The following PDE6A variants were observed in gnomAD, a reference collection of about 807,000 sequenced individuals.
The protein encoded by PDE6A is rod cGMP-specific 3',5'-cyclic phosphodiesterase subunit alpha.
PDE6A carries 84 observed loss-of-function variants against 106.3 expected under a neutral mutation model. The observed-to-expected ratio is 0.79, with a 90% confidence interval of 0.66 to 0.95. The LOEUF (loss-of-function observed/expected upper bound fraction) is 0.95, where lower values mean the gene tolerates loss of function less well. Ranked by LOEUF, PDE6A falls within the 40% of genes least tolerant of loss-of-function variation. PDE6A has a pLI of 0.00. For missense variants in PDE6A, 1,052 were observed against 1,084.9 expected, an observed-to-expected ratio of 0.97 and a Z score of 0.43; for synonymous variants, 394 against 386.6, an observed-to-expected ratio of 1.02 and a Z score of -0.23.
intron 8 of PDE6A, among the ~76,000 whole-genome samples, chr5:149,900,954 C>T (rs1055813625): frequency 6.6e-6 from 1 of 152,106 alleles, no homozygotes; most frequent in African/African-American, 2.4e-5. Flanking sequence ...TTTGCTCTGT[C>T]ACCCAGGCAG....
In PDE6A at chr5:149,860,830, A is replaced by G; in HGVS notation, c.*65T>C. 2.2e-6 allele frequency: 3 copies of G among 1,355,830 alleles called. No individual in the cohort carries two copies. The highest frequency in any genetic ancestry group is 3.2e-6 in the Non-Finnish European group (3 of 945,606). The allele number at this position is 1,355,830 out of a possible 1,614,324, so 84.0% of individuals were successfully genotyped here. On this transcript the variant is annotated 3_prime_UTR_variant, in exon 22 of 22. Coordinates refer to ENST00000255266, the MANE Select transcript of PDE6A (RefSeq NM_000440.3). ...TACTTCTCAAGGTGTGTGGTCTTCC[A>G]CTGGCTTGAGTCATCTCTTCCCAGG... is the stretch of plus-strand genomic sequence containing the variant.
chr5:149,884,296 A>ATGTGTATATATGTATATATG (rs1488732159), intron 16 of PDE6A, among the ~76,000 whole-genome samples, 183 bp downstream of exon 16: 271 of 137,376 alleles, frequency 2.0e-3, no homozygotes, highest in African/African-American at 6.8e-3. Flanking sequence ...ATGTGTATAT[A>ATGTGTATATATGTATATATG]TGTATATATG....
chr5:149,934,572 A>T lies in PDE6A; in HGVS notation c.621T>A (p.Asp207Glu), dbSNP rs1201381114. Residue 207 changes from aspartate to glutamate, a missense_variant, in exon 2 of 22, where the codon GAT (aspartate) becomes GAA (glutamate). Physicochemically the swap from Asp to Glu is conservative, Grantham distance 45 (BLOSUM62 2). Around this residue, in one of 3 missense-constraint regions of PDE6A, gnomAD observed 913 missense variants for 915.2 expected, o/e 1.00. Coordinates refer to ENST00000255266, the MANE Select transcript of PDE6A (RefSeq NM_000440.3). The part of the protein sequence containing the change: ...KVDGSHFTKR[D>E]EEILLKYLNF... Reference sequence around the variant, plus strand: ...GTCTCTAAAGCATTCTTACCTCTTCATCTCTCTTGGTGAAGTGGGATCCAT... The same window carrying T: ...GTCTCTAAAGCATTCTTACCTCTTCTTCTCTCTTGGTGAAGTGGGATCCAT... The T allele has an allele frequency of 2.5e-6, 4 of 1,613,974 alleles. No homozygotes were observed. The highest frequency in any genetic ancestry group is 3.4e-6 in the Non-Finnish European group (4 of 1,179,984).
At chr5:149,865,175 G>A (rs1361931964) in intron 20 of PDE6A, among the ~76,000 whole-genome samples, 1 of 151,330 alleles carries the variant, frequency 6.6e-6, no homozygotes, top group African/African-American at 2.4e-5. Context: ...GGGAGGTAGA[G>A]GTTGCAGTGA....
chr5:149,925,602 G>A (rs754759301), intron 4 of PDE6A, among the ~76,000 whole-genome samples: 1 of 151,142 alleles, frequency 6.6e-6, no homozygotes, highest in Non-Finnish European at 1.5e-5. Flanking sequence ...AGCTTCTCAG[G>A]AGGCTGAGGC....
intron 4 of PDE6A, among the ~76,000 whole-genome samples, chr5:149,923,687 AC>A (rs1250678402): frequency 6.6e-6 from 1 of 152,130 alleles, no homozygotes; most frequent in Non-Finnish European, 1.5e-5. Context: ...CCAACTGAGA[AC>A]CACACAGGTT....
rs376605128 is a variant in PDE6A at position 149,899,523 on chromosome 5, T to C, written c.1115A>G (p.Lys372Arg). The change falls in exon 9 of 22, where the codon AAA becomes AGA. Residue 372 changes from lysine (K) to arginine (R), a missense_variant and splice_region_variant. By Grantham distance (26) the Lys-to-Arg change is conservative (BLOSUM62 2). Coordinates refer to ENST00000255266, the MANE Select transcript of PDE6A (RefSeq NM_000440.3). ...CCATCCAGACTCATCCAGAGGTTCT[T>C]TCTACAAGAGAAGGGCTAGATTAGG... ...APAEDFFAFQ[K>R]EPLDESGWMI... The C allele has an allele frequency of 2.5e-5, 40 of 1,614,030 alleles. 2 individuals are homozygous for C. The South Asian group carries it at 4.4e-4, about 18-fold the overall frequency.
At chr5:149,939,347 C>G (rs1319918035) in intron 1 of PDE6A, among the ~76,000 whole-genome samples, 2 of 152,140 alleles carry the variant, frequency 1.3e-5, no homozygotes, top group Admixed American at 6.5e-5. Context: ...AGAAAAACAC[C>G]CTGAATCCTC....
chr5:149,862,323 G>A (rs1760174495), intron 21 of PDE6A, among the ~76,000 whole-genome samples: 1 of 152,180 alleles, frequency 6.6e-6, no homozygotes, highest in Non-Finnish European at 1.5e-5. Context: ...TTGAGTTCTA[G>A]GAAGACCTTT....
chr5:149,861,591 A>C (rs1760144103), intron 21 of PDE6A, among the ~76,000 whole-genome samples: 1 of 152,222 alleles, frequency 6.6e-6, no homozygotes, highest in Non-Finnish European at 1.5e-5. Flanking sequence ...TTGAGGCTGC[A>C]GTGAGCTATG....
intron 21 of PDE6A, among the ~76,000 whole-genome samples, chr5:149,862,002 C>CT (rs1182214445): frequency 2.0e-5 from 3 of 152,176 alleles, no homozygotes; most frequent in South Asian, 4.1e-4. Context: ...CTACAAAACT[C>CT]TAAGTGGCCC....
intron 17 of PDE6A, among the ~76,000 whole-genome samples, chr5:149,878,937 T>C (rs1024578855): frequency 1.2e-4 from 18 of 152,226 alleles, no homozygotes; most frequent in African/African-American, 3.9e-4. Context: ...CTTTCCTATT[T>C]AGACTATGTG....
In PDE6A at chr5:149,868,250, C is replaced by G. The variant is rs1266838404; in HGVS notation, c.2136-92G>C. 13 of 1,259,602 alleles carry G rather than the reference C, an allele frequency of 1.0e-5. No individual in the cohort carries two copies. The East Asian group carries it at 2.6e-4, about 25-fold the overall frequency. 78.0% of individuals were successfully genotyped at this position (1,259,602 alleles called of 1,614,324 possible). A position where few individuals can be genotyped will look rare whatever the true frequency, so the allele number is the denominator to read the frequency against. On this transcript the variant is annotated intron_variant, in intron 17 of 21. Transcript: ENST00000255266. The stretch of plus-strand genomic sequence containing the variant: ...TCTCTCTCACCTTTCTCCACCCCCA[C>G]TAGTAGGTGACTTTGTCTCATTGTG...
At chr5:149,864,711 A>G (rs1464140824) in intron 20 of PDE6A, among the ~76,000 whole-genome samples, 2 of 152,224 alleles carry the variant, frequency 1.3e-5, no homozygotes, top group African/African-American at 4.8e-5. Flanking sequence ...GCCCAATATA[A>G]GAACAGCAAA....
chr5:149,868,261 CTT>C (rs1211352724), intron 17 of PDE6A, 103 bp from the exon 18 acceptor site: 99 of 1,170,832 alleles, frequency 8.5e-5, no homozygotes, highest in Middle Eastern at 3.8e-4. Context: ...TAGTAGGTGA[CTT>C]TGTCTCATTG....
At chr5:149,909,834 G>T (rs1753318247) in intron 6 of PDE6A, among the ~76,000 whole-genome samples, 1 of 152,022 alleles carries the variant, frequency 6.6e-6, no homozygotes, top group Non-Finnish European at 1.5e-5. Context: ...TTATCCATAG[G>T]TTGTTTGGTT....
At chr5:149,918,688 T>A (rs1186396940) in intron 5 of PDE6A, among the ~76,000 whole-genome samples, 1 of 152,336 alleles carries the variant, frequency 6.6e-6, no homozygotes, top group African/African-American at 2.4e-5. Context: ...CTTGGCTCAC[T>A]GGAGCCTCAG....
chr5:149,905,372 C>T (rs1028403401), intron 7 of PDE6A, among the ~76,000 whole-genome samples: 2 of 152,208 alleles, frequency 1.3e-5, no homozygotes, highest in African/African-American at 4.8e-5. Flanking sequence ...GCTTCCAACA[C>T]TCCTCTCTCT....
chr5:149,941,711 T>C (rs1754331869), intron 1 of PDE6A, among the ~76,000 whole-genome samples: 1 of 152,214 alleles, frequency 6.6e-6, no homozygotes, highest in Non-Finnish European at 1.5e-5. Context: ...ATTTGATTTG[T>C]ACCCTTCAAA....
Sources: gnomAD v4.1 joint callset for allele counts (sites outside exome capture counted in the v4.1 genomes callset) on GRCh38, gnomAD v4.1.1 for gene constraint, gnomAD v4.1.1 regional missense constraint, MANE v1.5 for transcripts, NCBI Gene and HGNC (gene_info 2026-07-23, HGNC 2026-07-21) for gene names.